MRAS: variants seen among roughly 807,000 people sequenced by gnomAD.
MRAS encodes the protein muscle RAS oncogene homolog.
MRAS carries 4 observed loss-of-function variants against 20.9 expected under a neutral mutation model. The ratio of observed to expected loss-of-function variants is 0.19; its 90% CI spans 0.09 to 0.44. The LOEUF (loss-of-function observed/expected upper bound fraction) is 0.44. Ranked by LOEUF, MRAS falls within the 20% of genes least tolerant of loss-of-function variation. MRAS has a pLI of 0.99. For missense variants in MRAS, 154 were observed against 277.5 expected (o/e 0.56, Z 3.16); for synonymous variants, 98 against 102.9 (o/e 0.95, Z 0.29).
Position 138,372,973 on chromosome 3 carries a change from C to T in MRAS, c.90C>T (p.Thr30=), listed in dbSNP as rs371170255. ...GGGGTGTGGGCAAAAGTGCCCTCACCATCCAGTTTTTCCAGAAGATCTTTG... is the reference window on the plus strand; with the variant it reads ...GGGGTGTGGGCAAAAGTGCCCTCACTATCCAGTTTTTCCAGAAGATCTTTG... ...GDGGVGKSAL[T]IQFFQKIFVP... is the part of the protein sequence containing the mutation. The change falls in exon 2 of 6, where the codon ACC becomes ACT. Residue 30 remains threonine, a synonymous_variant. Coordinates refer to ENST00000423968, the MANE Select transcript of MRAS (RefSeq NM_001085049.3). The T allele has an allele frequency of 1.3e-6, 2 of 1,571,662 alleles. No homozygotes were observed. The highest frequency in any genetic ancestry group is 8.6e-7 in the Non-Finnish European group (1 of 1,161,528).
intron 2 of MRAS, among the ~76,000 whole-genome samples, chr3:138,384,128 G>A (rs1423290272): frequency 6.6e-6 from 1 of 152,226 alleles, no homozygotes; most frequent in Non-Finnish European, 1.5e-5. Context: ...GGTCAGGCAG[G>A]TAGCTGGAAG....
chr3:138,392,690 G>A (rs2055157626), intron 2 of MRAS, among the ~76,000 whole-genome samples: 1 of 152,092 alleles, frequency 6.6e-6, no homozygotes, highest in South Asian at 2.1e-4. Context: ...TGGCTGGCAT[G>A]TTCTTTTTAT....
intron 1 of MRAS, among the ~76,000 whole-genome samples, chr3:138,351,531 C>G (rs2054227442): frequency 6.6e-6 from 1 of 152,190 alleles, no homozygotes; most frequent in African/African-American, 2.4e-5. Context: ...AATTTTCTTG[C>G]TGGACTCTGA....
chr3:138,367,824 A>G (rs2054594414), intron 1 of MRAS, among the ~76,000 whole-genome samples: 1 of 152,274 alleles, frequency 6.6e-6, no homozygotes, highest in Non-Finnish European at 1.5e-5. Flanking sequence ...ACTTCAAACC[A>G]TGCAAGAAGG....
In MRAS at chr3:138,372,971, ACCAT is replaced by A. The variant is rs1326813476; in HGVS notation, c.92_95del (p.Ile31SerfsTer20). On this transcript the variant is annotated frameshift_variant, in exon 2 of 6. Transcript: ENST00000423968. LOFTEE classifies it high-confidence loss of function. Reference sequence around the variant, plus strand: ...TGGGGGTGTGGGCAAAAGTGCCCTCACCATCCAGTTTTTCCAGAAGATCTTTGTG... The same window carrying A: ...TGGGGGTGTGGGCAAAAGTGCCCTCACCAGTTTTTCCAGAAGATCTTTGTG... 1 of 1,572,850 alleles carries A rather than the reference ACCAT, an allele frequency of 6.4e-7. No homozygotes were observed. The highest frequency in any genetic ancestry group is 8.6e-7 in the Non-Finnish European group (1 of 1,162,148).
intron 2 of MRAS, among the ~76,000 whole-genome samples, chr3:138,374,982 A>G (rs928793770): frequency 6.6e-6 from 1 of 152,166 alleles, no homozygotes; most frequent in Non-Finnish European, 1.5e-5. Flanking sequence ...ACTGGGCTCA[A>G]GAGATCTTCT....
At chr3:138,353,032 G>T (rs2054259635) in intron 1 of MRAS, among the ~76,000 whole-genome samples, 1 of 152,180 alleles carries the variant, frequency 6.6e-6, no homozygotes, top group African/African-American at 2.4e-5. Context: ...CAGAATCCTA[G>T]ACCCAGAAGG....
Position 138,376,059 on chromosome 3 carries a change from A to G in MRAS, c.193+2983A>G, listed in dbSNP as rs375641550. 4.6e-5 allele frequency among the ~76,000 whole-genome samples: 7 copies of G among 152,222 alleles called. No individual in the cohort carries two copies. The South Asian group carries it at 6.2e-4, about 14-fold the overall frequency. Reference sequence around the variant, plus strand: ...GCACTGAATTATATACTTTTAAAGTATTAATATTATGGCATGTAGATTGTA... The same window carrying G: ...GCACTGAATTATATACTTTTAAAGTGTTAATATTATGGCATGTAGATTGTA... On this transcript the variant is annotated intron_variant, in intron 2 of 5. Coordinates refer to ENST00000423968, the MANE Select transcript of MRAS (RefSeq NM_001085049.3).
rs1390751137 is a variant in MRAS, at chr3:138,404,230, T to C, written c.*1961T>C. ...TTTGATGGCAGCTGCAAACTGGAGG[T>C]GAGGCGGAGGAAAGGCAGGTAGGAA... On this transcript the variant is annotated 3_prime_UTR_variant, in exon 6 of 6. Transcript: ENST00000423968. 1 of 152,008 alleles carries C rather than the reference T, an allele frequency of 6.6e-6. No homozygotes were observed. The highest frequency in any genetic ancestry group is 1.5e-5 in the Non-Finnish European group (1 of 68,080). The allele number at this position is 152,008 out of a possible 1,614,324, so 9.4% of individuals were successfully genotyped here.
At chr3:138,348,430 G>T (rs1347171451), upstream of MRAS, 1 of 152,108 alleles carries the variant, frequency 6.6e-6, no homozygotes, top group African/African-American at 2.4e-5. Context: ...GCTGGACTTC[G>T]TAGGCGCGCG....
At chr3:138,353,615 A>G (rs1358301063) in intron 1 of MRAS, among the ~76,000 whole-genome samples, 5 of 152,192 alleles carry the variant, frequency 3.3e-5, no homozygotes, top group South Asian at 2.1e-4. Flanking sequence ...TTCAAATGTC[A>G]TAGTTTAAAA....
At chr3:138,349,217 T>G (rs1248987506) in intron 1 of MRAS, 3 of 152,324 alleles carry the variant, frequency 2.0e-5, no homozygotes, top group Non-Finnish European at 4.4e-5. Flanking sequence ...CGCAGCCTGC[T>G]TCATAAACAA....
chr3:138,386,014 G>A (rs976752072), intron 2 of MRAS, among the ~76,000 whole-genome samples: 3 of 152,136 alleles, frequency 2.0e-5, no homozygotes, highest in African/African-American at 7.2e-5. Flanking sequence ...CGAGAGGGCA[G>A]GTGGAACATG....
Position 138,404,471 on chromosome 3 carries a change from A to G in MRAS, c.*2202A>G, listed in dbSNP as rs1248391500. 1.3e-5 allele frequency: 2 copies of G among 152,290 alleles called. No homozygotes were observed. The highest frequency in any genetic ancestry group is 4.8e-5 in the African/African-American group (2 of 41,466). 9.4% of individuals were successfully genotyped at this position (152,290 alleles called of 1,614,324 possible). On this transcript the variant is annotated 3_prime_UTR_variant, in exon 6 of 6. Coordinates refer to ENST00000423968, the MANE Select transcript of MRAS (RefSeq NM_001085049.3). Reference sequence around the variant, plus strand: ...CTGATGTAGAACAGAGACCTCGGCCATAAAGGTGAGAAGACATAGGGATTT... The same window carrying G: ...CTGATGTAGAACAGAGACCTCGGCCGTAAAGGTGAGAAGACATAGGGATTT...
intron 1 of MRAS, among the ~76,000 whole-genome samples, chr3:138,372,279 C>T (rs1371942342): frequency 1.3e-5 from 2 of 152,124 alleles, no homozygotes; most frequent in African/African-American, 4.8e-5. Flanking sequence ...CCCTCCTCCC[C>T]AAATAAAATG....
chr3:138,396,734 G>A (rs1473441387), intron 2 of MRAS, among the ~76,000 whole-genome samples: 4 of 152,198 alleles, frequency 2.6e-5, no homozygotes, highest in Non-Finnish European at 5.9e-5. Flanking sequence ...CTGGCTGTGA[G>A]GGGCCGCTCC....
chr3:138,385,156 A>ATT (rs34770279), intron 2 of MRAS, among the ~76,000 whole-genome samples: 6 of 66,498 alleles, frequency 9.0e-5, no homozygotes, highest in East Asian at 6.5e-4. Context: ...TTGATTTGTA[A>ATT]TTTTTTTTTT....
rs1212995784 is a variant in MRAS at position 138,365,639 on chromosome 3, C to CT, written c.-18-7226dup. 3.3e-5 allele frequency among the ~76,000 whole-genome samples: 5 copies of CT among 152,320 alleles called. No homozygotes were observed. The East Asian group carries it at 9.6e-4, about 29-fold the overall frequency. On this transcript the variant is annotated intron_variant, in intron 1 of 5. Coordinates refer to ENST00000423968, the MANE Select transcript of MRAS (RefSeq NM_001085049.3). ...AGATCTCCAGACATCACCAGGCAGG[C>CT]TACCCCTAAAGGTCCTGAGCCGTTC...
rs918314912 is a variant in MRAS at position 138,405,236 on chromosome 3, C to T, written c.*2967C>T. On this transcript the variant is annotated 3_prime_UTR_variant, in exon 6 of 6. Transcript: ENST00000423968. ...TTTTCCAGGAGACATGACCCACTAACGTGGCAACTTTAACCCAAAGGCCCC... is the reference window on the plus strand; with the variant it reads ...TTTTCCAGGAGACATGACCCACTAATGTGGCAACTTTAACCCAAAGGCCCC... The T allele has an allele frequency of 6.6e-6, 1 of 152,648 alleles. No homozygotes were observed. Among genetic ancestry groups the T allele is most frequent in the Non-Finnish European group, 1.5e-5 (1 of 68,050 alleles). The allele number at this position is 152,648 out of a possible 1,614,324, so 9.5% of individuals were successfully genotyped here.
Sources: gnomAD v4.1 joint callset for allele counts (sites outside exome capture counted in the v4.1 genomes callset) on GRCh38, gnomAD v4.1.1 for gene constraint, MANE v1.5 for transcripts, NCBI Gene and HGNC (gene_info 2026-07-23, HGNC 2026-07-21) for gene names.